The following SULF2 variants were observed in gnomAD, a reference collection of about 807,000 sequenced individuals.
SULF2 encodes sulfatase 2.
In SULF2, 52 loss-of-function variants were observed where a neutral mutation model predicts 107.7. That is an observed-to-expected ratio of 0.48 (90% confidence interval 0.39 to 0.61). The LOEUF is 0.61. Ranked by LOEUF, SULF2 falls within the 20% of genes least tolerant of loss-of-function variation. The probability of loss-of-function intolerance (pLI) is 0.00; values close to 1 mark genes in which losing one functional copy is unlikely to be tolerated. For missense variants in SULF2, 993 were observed against 1,177.3 expected (o/e 0.84, Z 2.29); for synonymous variants, 460 against 464.3 (o/e 0.99, Z 0.12).
At chr20:47,702,191 G>A (rs1249928510) in intron 4 of SULF2, among the ~76,000 whole-genome samples, 1 of 152,126 alleles carries the variant, frequency 6.6e-6, no homozygotes, top group Non-Finnish European at 1.5e-5. Flanking sequence ...TCTAGTAGCT[G>A]GGTCCACAGG....
At chr20:47,683,848 G>A (rs1195352044) in intron 6 of SULF2, among the ~76,000 whole-genome samples, 1 of 152,266 alleles carries the variant, frequency 6.6e-6, no homozygotes, top group African/African-American at 2.4e-5. Flanking sequence ...CACCAGGGGT[G>A]AAGCTTGAAC....
At chr20:47,693,798 G>A (rs2088283201) in intron 4 of SULF2, among the ~76,000 whole-genome samples, 1 of 152,204 alleles carries the variant, frequency 6.6e-6, no homozygotes, top group Non-Finnish European at 1.5e-5. Context: ...CAGGAGGGTG[G>A]GTCAGGGGCT....
At chr20:47,664,321 G>T in intron 14 of SULF2, 132 bp from the exon 15 acceptor site, 1 of 875,638 alleles carries the variant, frequency 1.1e-6, no homozygotes, top group Non-Finnish European at 1.8e-6. Context: ...TGGGGTGGTG[G>T]TGGGTAGGGC....
intron 1 of SULF2, among the ~76,000 whole-genome samples, chr20:47,768,380 C>G (rs1325655009): frequency 6.6e-6 from 1 of 152,206 alleles, no homozygotes; most frequent in Non-Finnish European, 1.5e-5. Flanking sequence ...GTCAGTTTCC[C>G]CATACTTTTG....
chr20:47,735,396 A>G (rs940306813), intron 3 of SULF2, among the ~76,000 whole-genome samples: 9 of 152,220 alleles, frequency 5.9e-5, no homozygotes, highest in Non-Finnish European at 1.0e-4. Context: ...AAATATTCAG[A>G]CTTTAAAACA....
In SULF2 at chr20:47,678,369, C is replaced by A. The variant is rs2087717133; in HGVS notation, c.1193+307G>T. 12 of 322,872 alleles carry A rather than the reference C, an allele frequency of 3.7e-5. No homozygotes were observed. The South Asian group carries it at 4.5e-4, about 12-fold the overall frequency. 20.0% of individuals were successfully genotyped at this position (322,872 alleles called of 1,614,324 possible). A position where few individuals can be genotyped will look rare whatever the true frequency, so the allele number is the denominator to read the frequency against. ...ACAGTACTTAGAATAGGGCCTCACA[C>A]ACAAGCGCCGTGCAGTTAGCACCAT... On this transcript the variant is annotated intron_variant, in intron 8 of 20. Coordinates refer to ENST00000688720, the MANE Select transcript of SULF2 (RefSeq NM_001387048.1). This position sits in a 1 kb window ranked among gnomAD's most constrained non-coding sequence, Gnocchi z 4.5.
At position 47,666,659 on chromosome 20, in the gene SULF2, G is replaced by A. The variant is rs556441052; in HGVS notation, c.1577-171C>T. ...CCCGCCTGCTCGCAGATCCTGGACCGCAGGGGAGGGCCTCGAGGTGATCAC... is the reference window on the plus strand; with the variant it reads ...CCCGCCTGCTCGCAGATCCTGGACCACAGGGGAGGGCCTCGAGGTGATCAC... On this transcript the variant is annotated intron_variant, in intron 11 of 20. Transcript: ENST00000688720. This position sits in a 1 kb window ranked among gnomAD's most constrained non-coding sequence, Gnocchi z 5.4. 4.6e-5 allele frequency among the ~76,000 whole-genome samples: 7 copies of A among 152,324 alleles called. No individual in the cohort carries two copies. Among genetic ancestry groups the A allele is most frequent in the South Asian group, 2.1e-4 (1 of 4,832 alleles).
In SULF2 at chr20:47,737,940, C is replaced by T. The variant is rs576163828; in HGVS notation, c.176-998G>A. Among the ~76,000 whole-genome samples, 9 of 151,926 alleles carry T rather than the reference C, an allele frequency of 5.9e-5. No individual in the cohort carries two copies. In the South Asian group the frequency reaches 6.2e-4, roughly 11 times the overall value. On this transcript the variant is annotated intron_variant, in intron 2 of 20. Transcript: ENST00000688720. ...TGTATTTTTAGTAGAGATGACGTTTCGCCATGTTGGCCAGGCTGGTCTGGA... is the reference window on the plus strand; with the variant it reads ...TGTATTTTTAGTAGAGATGACGTTTTGCCATGTTGGCCAGGCTGGTCTGGA...
intron 2 of SULF2, among the ~76,000 whole-genome samples, chr20:47,742,671 C>T (rs910417335): frequency 2.6e-5 from 4 of 152,196 alleles, no homozygotes; most frequent in Admixed American, 6.5e-5. Flanking sequence ...AAGAAAAAAC[C>T]CTTTAATCTC....
intron 1 of SULF2, among the ~76,000 whole-genome samples, chr20:47,761,419 G>A (rs958221278): frequency 1.3e-5 from 2 of 152,130 alleles, no homozygotes; most frequent in Non-Finnish European, 2.9e-5. Context: ...TTTGCTTAAC[G>A]TGCTTCTTTA....
chr20:47,742,263 G>C (rs1016303958), intron 2 of SULF2, among the ~76,000 whole-genome samples: 3 of 152,228 alleles, frequency 2.0e-5, no homozygotes, highest in Non-Finnish European at 4.4e-5. Context: ...TCCGACGGGA[G>C]GGAAGGACCT....
intron 3 of SULF2, among the ~76,000 whole-genome samples, chr20:47,715,065 C>G (rs1387057525): frequency 1.3e-5 from 2 of 151,640 alleles, no homozygotes; most frequent in Non-Finnish European, 2.9e-5. Context: ...ACCACAGGCA[C>G]AAGCCACCAT....
intron 3 of SULF2, among the ~76,000 whole-genome samples, chr20:47,711,916 T>C (rs186287255): frequency 1.7e-3 from 259 of 152,286 alleles, no homozygotes; most frequent in African/African-American, 6.0e-3. Flanking sequence ...TGCATTAATA[T>C]ATGGCACACA....
intron 1 of SULF2, among the ~76,000 whole-genome samples, chr20:47,759,842 TTTTA>T (rs778402877): frequency 3.3e-5 from 5 of 152,202 alleles, no homozygotes; most frequent in African/African-American, 1.2e-4. Context: ...TTATAACCGG[TTTTA>T]TTTCTCTTGT....
intron 2 of SULF2, 119 bp from the exon 3 acceptor site, chr20:47,737,061 G>A: frequency 7.0e-7 from 1 of 1,418,934 alleles, no homozygotes; most frequent in Non-Finnish European, 9.6e-7. Context: ...CAGACCTACG[G>A]GGCAGACGGG....
At chr20:47,723,148 G>A (rs955323126) in intron 3 of SULF2, among the ~76,000 whole-genome samples, 4 of 152,096 alleles carry the variant, frequency 2.6e-5, no homozygotes, top group Admixed American at 6.5e-5. Context: ...GGAAGCAGAG[G>A]CAGGGGAATT....
At chr20:47,765,589 C>G (rs1385153067) in intron 1 of SULF2, among the ~76,000 whole-genome samples, 1 of 152,088 alleles carries the variant, frequency 6.6e-6, no homozygotes, top group Non-Finnish European at 1.5e-5. Context: ...GTCCAGGGAG[C>G]CTGATCATTT....
intron 1 of SULF2, among the ~76,000 whole-genome samples, chr20:47,777,394 T>C (rs1010068348): frequency 2.0e-5 from 3 of 152,112 alleles, no homozygotes; most frequent in African/African-American, 4.8e-5. Context: ...TCCCACTTTG[T>C]AGGGTGATGC....
At chr20:47,687,954 G>A (rs2088067684) in intron 5 of SULF2, among the ~76,000 whole-genome samples, 1 of 151,804 alleles carries the variant, frequency 6.6e-6, no homozygotes, top group Non-Finnish European at 1.5e-5. Context: ...CTGCTTGTGT[G>A]GTATGTCTTT....
Sources: gnomAD v4.1 joint callset for allele counts (sites outside exome capture counted in the v4.1 genomes callset) on GRCh38, gnomAD v4.1.1 for gene constraint, Gnocchi (gnomAD v3.1) non-coding constraint, MANE v1.5 for transcripts, NCBI Gene and HGNC (gene_info 2026-07-23, HGNC 2026-07-21) for gene names.